The following ALK variants were observed in gnomAD, a reference collection of about 807,000 sequenced individuals.
ALK encodes ALK tyrosine kinase receptor.
ALK carries 74 observed loss-of-function variants against 163.1 expected under a neutral mutation model. The observed-to-expected ratio is 0.45, with a 90% CI of 0.38 to 0.55. ALK has a LOEUF of 0.55. Ranked by LOEUF, ALK falls within the 20% of genes least tolerant of loss-of-function variation. The probability of loss-of-function intolerance (pLI) is 0.00; values close to 1 mark genes in which losing one functional copy is unlikely to be tolerated. For synonymous variants in ALK, 960 were observed against 843.2 expected (o/e 1.14, Z -2.40); for missense variants, 2,063 against 2,105.3 (o/e 0.98, Z 0.39).
At chr2:29,447,855 T>C (rs763218791) in intron 4 of ALK, among the ~76,000 whole-genome samples, 8 of 152,014 alleles carry the variant, frequency 5.3e-5, no homozygotes, top group Non-Finnish European at 1.2e-4. Context: ...CTCAAATATG[T>C]GTGAGTTTTT....
intron 11 of ALK, among the ~76,000 whole-genome samples, chr2:29,267,721 C>T (rs1881424): frequency 0.54 from 82,803 of 152,038 alleles, 25,634 homozygotes; most frequent in East Asian, 0.74. Flanking sequence ...CCTCCAGGCC[C>T]GGATGAATTA....
At chr2:29,894,097 T>A (rs987958937) in intron 1 of ALK, among the ~76,000 whole-genome samples, 1 of 152,136 alleles carries the variant, frequency 6.6e-6, no homozygotes, top group African/African-American at 2.4e-5. Flanking sequence ...TTGAAAGGGG[T>A]GTCAAGGACC....
In ALK at chr2:29,533,538, C is replaced by A. The variant is rs186453384; in HGVS notation, c.953-1422G>T. Among the ~76,000 whole-genome samples, 1,479 of 152,024 alleles carry A rather than the reference C, an allele frequency of 9.7e-3. 21 individuals carry two copies. Among genetic ancestry groups the A allele is most frequent in the African/African-American group, 0.034 (1,401 of 41,516 alleles). ...GCCCACTGTGTACTTCAGCCTAAAACATGGCCAAGGTAACTTGTGGCCAGG... is the reference window on the plus strand; with the variant it reads ...GCCCACTGTGTACTTCAGCCTAAAAAATGGCCAAGGTAACTTGTGGCCAGG... On this transcript the variant is annotated intron_variant, in intron 3 of 28. Transcript: ENST00000389048.
intron 1 of ALK, among the ~76,000 whole-genome samples, chr2:29,778,387 G>C (rs1681237739): frequency 6.6e-6 from 1 of 152,214 alleles, no homozygotes; most frequent in South Asian, 2.1e-4. Context: ...CCAAGGAAGG[G>C]TCATGGTCAC....
intron 4 of ALK, among the ~76,000 whole-genome samples, chr2:29,438,882 T>C (rs1385149554): frequency 2.0e-5 from 3 of 152,208 alleles, no homozygotes; most frequent in Non-Finnish European, 2.9e-5. Flanking sequence ...AGGAGAGCAC[T>C]GTGGGCTTGT....
intron 4 of ALK, among the ~76,000 whole-genome samples, chr2:29,403,803 T>C (rs1669511375): frequency 1.4e-5 from 2 of 147,716 alleles, no homozygotes; most frequent in African/African-American, 5.0e-5. Context: ...TACCAGCTAC[T>C]GGGGAGGCTG....
At chr2:29,663,803 T>G (rs193191739) in intron 3 of ALK, among the ~76,000 whole-genome samples, 1 of 152,136 alleles carries the variant, frequency 6.6e-6, no homozygotes, top group African/African-American at 2.4e-5. Context: ...AACTAATAGG[T>G]CTAGTCTGTA....
At chr2:29,316,569 C>G (rs956419513) in intron 8 of ALK, among the ~76,000 whole-genome samples, 1 of 152,084 alleles carries the variant, frequency 6.6e-6, no homozygotes, top group Non-Finnish European at 1.5e-5. Flanking sequence ...ATATTAAACC[C>G]AGCGAAGAGT....
chr2:29,795,456 T>C (rs1286916124), intron 1 of ALK, among the ~76,000 whole-genome samples: 2 of 152,164 alleles, frequency 1.3e-5, no homozygotes, highest in Admixed American at 1.3e-4. Flanking sequence ...TTTGACCCAG[T>C]AATTTAACTC....
chr2:29,705,535 AC>A (rs1434233752), intron 2 of ALK, among the ~76,000 whole-genome samples: 1 of 151,270 alleles, frequency 6.6e-6, no homozygotes, highest in African/African-American at 2.4e-5. Context: ...TTTTATATCA[AC>A]CTCTCAGGGG....
chr2:29,594,138 CAACAGTAGT>C (rs910350278), intron 3 of ALK, among the ~76,000 whole-genome samples: 1 of 152,026 alleles, frequency 6.6e-6, no homozygotes, highest in Non-Finnish European at 1.5e-5. Context: ...CCCAAAATGT[CAACAGTAGT>C]AATGTTGAAA....
intron 3 of ALK, among the ~76,000 whole-genome samples, chr2:29,648,009 C>T (rs936543466): frequency 2.6e-5 from 4 of 151,998 alleles, no homozygotes; most frequent in Non-Finnish European, 5.9e-5. Context: ...TGTAAGTGTG[C>T]TCCACACTGT....
At chr2:29,426,832 G>C (rs1302774919) in intron 4 of ALK, among the ~76,000 whole-genome samples, 1 of 151,986 alleles carries the variant, frequency 6.6e-6, no homozygotes, top group African/African-American at 2.4e-5. Context: ...AAATTCAAGA[G>C]ATCGAGACCA....
intron 4 of ALK, among the ~76,000 whole-genome samples, chr2:29,389,124 A>G (rs908442491): frequency 2.6e-5 from 4 of 152,216 alleles, no homozygotes; most frequent in African/African-American, 9.7e-5. Context: ...CACACTAGCT[A>G]AAGTATTGGA....
At chr2:29,844,312 T>C (rs1482659383) in intron 1 of ALK, among the ~76,000 whole-genome samples, 2 of 152,108 alleles carry the variant, frequency 1.3e-5, no homozygotes, top group African/African-American at 4.8e-5. Flanking sequence ...GCAGAGAGAA[T>C]GAGCAGTGCC....
intron 1 of ALK, among the ~76,000 whole-genome samples, chr2:29,785,336 A>T (rs1012000870): frequency 6.6e-6 from 1 of 152,184 alleles, no homozygotes; most frequent in East Asian, 1.9e-4. Flanking sequence ...GCAGGCACAC[A>T]GTTGTTGCTT....
At chr2:29,846,089 G>A (rs888501694) in intron 1 of ALK, among the ~76,000 whole-genome samples, 1 of 152,216 alleles carries the variant, frequency 6.6e-6, no homozygotes, top group Non-Finnish European at 1.5e-5. Flanking sequence ...GGAGTGTGAT[G>A]TTCTGTGATC....
chr2:29,610,206 G>C (rs942213533), intron 3 of ALK, among the ~76,000 whole-genome samples: 1 of 152,144 alleles, frequency 6.6e-6, no homozygotes, highest in African/African-American at 2.4e-5. Flanking sequence ...GCTGCAACAG[G>C]AGTACCAAGC....
intron 1 of ALK, among the ~76,000 whole-genome samples, chr2:29,906,883 A>C (rs560248755): frequency 4.0e-5 from 6 of 151,168 alleles, no homozygotes; most frequent in Non-Finnish European, 8.8e-5. Flanking sequence ...GTAACAGGGA[A>C]GCCTTGGAAA....
Sources: gnomAD v4.1 joint callset for allele counts (sites outside exome capture counted in the v4.1 genomes callset) on GRCh38, gnomAD v4.1.1 for gene constraint, MANE v1.5 for transcripts, NCBI Gene and HGNC (gene_info 2026-07-23, HGNC 2026-07-21) for gene names.